Variants in HS6ST2 observed in about 807,000 individuals in gnomAD.
HS6ST2 encodes heparan-sulfate 6-O-sulfotransferase 2.
In HS6ST2, 17 loss-of-function variants were observed where a neutral mutation model predicts 33.0. The observed-to-expected ratio is 0.52, with a 90% CI of 0.35 to 0.77. HS6ST2 has a LOEUF of 0.77. Among genes scored for constraint, HS6ST2 ranks in the 30% least tolerant of loss-of-function variants. The probability of loss-of-function intolerance (pLI) is 0.01; values close to 1 mark genes in which losing one functional copy is unlikely to be tolerated. For missense variants in HS6ST2, 519 were observed against 551.7 expected (o/e 0.94, Z 0.59); for synonymous variants, 248 against 237.1 (o/e 1.05, Z -0.42).
intron 2 of HS6ST2, among the ~76,000 whole-genome samples, chrX:132,785,164 T>C (rs1327165735): frequency 2.7e-5 from 3 of 112,357 alleles, no homozygotes; most frequent in Admixed American, 1.9e-4. Context: ...CACTTTTCAA[T>C]TTAAAAGCTA....
At position 132,670,227 on chromosome X, in the gene HS6ST2, C is replaced by T. The variant is rs189299676; in HGVS notation, c.981-1028G>A. ...ACCTTCCAGTGGCAAAGAATATTGT[C>T]TCAGAAAATGTCAAACATCTTTTCA... On this transcript the variant is annotated intron_variant, in intron 3 of 4. Transcript: ENST00000370833. Among the ~76,000 whole-genome samples the T allele has an allele frequency of 3.7e-4, 41 of 111,551 alleles. No individual in the cohort carries two copies. In the South Asian group the frequency reaches 5.2e-3, roughly 14 times the overall value.
intron 2 of HS6ST2, among the ~76,000 whole-genome samples, chrX:132,882,774 GTTC>G (rs927123241): frequency 2.7e-5 from 3 of 111,155 alleles, no homozygotes; most frequent in African/African-American, 9.8e-5. Context: ...GTCATAAATA[GTTC>G]TTATTATTTT....
chrX:132,783,943 C>T (rs1029499327), intron 2 of HS6ST2, among the ~76,000 whole-genome samples: 8 of 111,614 alleles, frequency 7.2e-5, no homozygotes, highest in Non-Finnish European at 1.1e-4. Flanking sequence ...CAAAAATATT[C>T]GCCTGGAAAG....
intron 2 of HS6ST2, among the ~76,000 whole-genome samples, chrX:132,875,234 G>T (rs756855240): frequency 1.8e-5 from 2 of 111,812 alleles, no homozygotes; most frequent in African/African-American, 3.3e-5. Flanking sequence ...GGCACCCAAG[G>T]TGTTTATGCA....
intron 2 of HS6ST2, among the ~76,000 whole-genome samples, chrX:132,936,580 C>G (rs1276672717): frequency 1.8e-5 from 2 of 111,895 alleles, no homozygotes; most frequent in African/African-American, 6.5e-5. Context: ...GCCATTTATT[C>G]TAAGCAAATT....
chrX:132,938,231 A>G (rs1052364309), intron 2 of HS6ST2, among the ~76,000 whole-genome samples: 7 of 110,166 alleles, frequency 6.4e-5, no homozygotes, highest in Non-Finnish European at 1.1e-4. Flanking sequence ...ATGCAGAATA[A>G]TCATGACAAA....
intron 2 of HS6ST2, among the ~76,000 whole-genome samples, chrX:132,927,181 A>G (rs1414050308): frequency 9.0e-6 from 1 of 110,801 alleles, no homozygotes; most frequent in African/African-American, 3.3e-5. Context: ...TTTTACTCGC[A>G]GCATTCTTTC....
At chrX:132,734,987 G>T (rs1216527500) in intron 2 of HS6ST2, 3 of 111,081 alleles carry the variant, frequency 2.7e-5, no homozygotes, top group Admixed American at 1.9e-4. Flanking sequence ...GGGGAGATGG[G>T]GATGGGGGGT....
intron 2 of HS6ST2, among the ~76,000 whole-genome samples, chrX:132,846,879 GA>G (rs1018011204): frequency 1.8e-5 from 2 of 109,072 alleles, no homozygotes; most frequent in African/African-American, 6.7e-5. Flanking sequence ...ATGTAAAAAA[GA>G]AAAAAAACTG....
At chrX:132,718,843 G>T (rs2064301425) in intron 2 of HS6ST2, among the ~76,000 whole-genome samples, 1 of 111,017 alleles carries the variant, frequency 9.0e-6, no homozygotes, top group Non-Finnish European at 1.9e-5. Flanking sequence ...CACAGGGAAA[G>T]AGAAGTTGGC....
chrX:132,936,918 A>C (rs1381037185), intron 2 of HS6ST2, among the ~76,000 whole-genome samples: 1 of 111,383 alleles, frequency 9.0e-6, no homozygotes, highest in Non-Finnish European at 1.9e-5. Flanking sequence ...AGAAAGTCAA[A>C]TTGTCTCTGT....
intron 3 of HS6ST2, among the ~76,000 whole-genome samples, chrX:132,670,836 G>T (rs1308899303): frequency 9.0e-6 from 1 of 111,648 alleles, no homozygotes; most frequent in African/African-American, 3.3e-5. Context: ...AACAAAAAAC[G>T]TCTAGGGGGT....
intron 2 of HS6ST2, among the ~76,000 whole-genome samples, chrX:132,780,409 T>G (rs1437534804): frequency 9.0e-6 from 1 of 111,172 alleles, no homozygotes; most frequent in Non-Finnish European, 1.9e-5. Flanking sequence ...TTACCAAGTG[T>G]CAGGCACTAT....
In HS6ST2 at chrX:132,628,796, C is replaced by G. The variant is rs974501721; in HGVS notation, c.1365G>C (p.Lys455Asn). 8.3e-7 allele frequency: 1 copy of G among 1,211,848 alleles called. No individual in the cohort carries two copies. Among genetic ancestry groups the G allele is most frequent in the South Asian group, 1.8e-5 (1 of 56,986 alleles). Residue 455 changes from lysine (K) to asparagine (N), a missense_variant, in exon 5 of 5, where the codon AAG becomes AAC. Physicochemically the swap from Lys to Asn is moderately conservative, Grantham distance 94. Transcript: ENST00000370833. ...TTGACTTGGCACTTTCCAGAAGGAC[C>G]TTGTTTCTTTGCTTTTCAGGCATGA... ...LSVMPEKQRN[K>N]VLLESAKSNL... is the part of the protein sequence containing the mutation.
chrX:132,870,475 A>C (rs1490578338), intron 2 of HS6ST2, among the ~76,000 whole-genome samples: 1 of 111,800 alleles, frequency 8.9e-6, no homozygotes, highest in Non-Finnish European at 1.9e-5. Context: ...TCCTAAGCAA[A>C]AAGAACAAAG....
chrX:132,867,757 G>A (rs1361438986), intron 2 of HS6ST2, among the ~76,000 whole-genome samples: 4 of 111,316 alleles, frequency 3.6e-5, no homozygotes, highest in African/African-American at 1.3e-4. Flanking sequence ...GTCACCAATA[G>A]GCTGCCTTAC....
intron 2 of HS6ST2, among the ~76,000 whole-genome samples, chrX:132,849,106 T>TA (rs1158802511): frequency 3.6e-5 from 4 of 111,750 alleles, no homozygotes; most frequent in Non-Finnish European, 7.5e-5. Context: ...CAAACAAAGA[T>TA]AAAAATCTCT....
intron 2 of HS6ST2, among the ~76,000 whole-genome samples, chrX:132,834,296 GC>G (rs1186062083): frequency 1.8e-5 from 2 of 112,197 alleles, no homozygotes; most frequent in Non-Finnish European, 3.8e-5. Context: ...TTAAAGGCAT[GC>G]CCATTTTACA....
intron 2 of HS6ST2, among the ~76,000 whole-genome samples, chrX:132,881,768 T>C (rs1477088736): frequency 3.6e-5 from 4 of 111,955 alleles, no homozygotes; most frequent in Non-Finnish European, 5.6e-5. Flanking sequence ...GTCTAACATG[T>C]ATGTCTTTAA....
Sources: allele counts gnomAD v4.1 joint callset (sites outside exome capture counted in the v4.1 genomes callset), GRCh38; gene constraint gnomAD v4.1.1; transcripts MANE v1.5; gene names NCBI Gene and HGNC (gene_info 2026-07-23, HGNC 2026-07-21).